The following DMD variants were observed in gnomAD, a reference collection of about 807,000 sequenced individuals.
The protein encoded by DMD is dystrophin.
Under a neutral mutation model 330.1 loss-of-function variants are expected in DMD, and 63 were observed. That is an observed-to-expected ratio of 0.19 (90% CI 0.16 to 0.24). The LOEUF is 0.24. Ranked by LOEUF, DMD falls within the 10% of genes least tolerant of loss-of-function variation. DMD has a pLI of 1.00. For missense variants in DMD, 3,344 were observed against 2,684.1 expected (o/e 1.25, Z -5.43); for synonymous variants, 1,223 against 959.8 (o/e 1.27, Z -5.07).
chrX:32,788,996 A>G (rs2075622879), intron 7 of DMD, among the ~76,000 whole-genome samples: 1 of 111,835 alleles, frequency 8.9e-6, no homozygotes, highest in South Asian at 3.8e-4. Flanking sequence ...AATAAATTAA[A>G]GAACAAAGAG....
intron 1 of DMD, among the ~76,000 whole-genome samples, chrX:33,222,746 C>T (rs1356754812): frequency 1.8e-5 from 2 of 111,730 alleles, no homozygotes; most frequent in Non-Finnish European, 3.8e-5. Flanking sequence ...TACATTAGCA[C>T]CTCCCACAAA....
chrX:32,053,333 C>T (rs62589975), intron 44 of DMD, among the ~76,000 whole-genome samples: 4,566 of 106,011 alleles, frequency 0.043, 133 homozygotes, highest in East Asian at 0.12. Context: ...GAAGTTATCT[C>T]GTAAAGTATG....
rs1406268725 is a variant in DMD, at chrX:33,009,596, GTA to G, written c.93+10541_93+10542del. Among the ~76,000 whole-genome samples, 2 of 32,330 alleles carry G rather than the reference GTA, an allele frequency of 6.2e-5. 1 individual carries two copies. The highest frequency in any genetic ancestry group is 3.2e-3 in the South Asian group (2 of 624). The allele number at this position is 32,330 out of a possible 115,157, so 28.1% of individuals were successfully genotyped here. A position where few individuals can be genotyped will look rare whatever the true frequency, so the allele number is the denominator to read the frequency against. On this transcript the variant is annotated intron_variant, in intron 2 of 78. Transcript: ENST00000357033. The stretch of plus-strand genomic sequence containing the variant: ...TATATACACATATGTGTGTATGTGT[GTA>G]TGTGTATATACACATATGTGTGTAT...
At chrX:31,426,221 A>C (rs1191890167) in intron 60 of DMD, among the ~76,000 whole-genome samples, 1 of 112,088 alleles carries the variant, frequency 8.9e-6, no homozygotes, top group Non-Finnish European at 1.9e-5. Context: ...ATATATTCCC[A>C]AGTCTATTGC....
At chrX:33,082,737 G>A (rs1293508739) in intron 1 of DMD, among the ~76,000 whole-genome samples, 1 of 111,858 alleles carries the variant, frequency 8.9e-6, no homozygotes, top group African/African-American at 3.3e-5. Flanking sequence ...TCCCCACATG[G>A]TCACAAGGTT....
At chrX:32,546,292 C>A (rs2048959190) in intron 16 of DMD, among the ~76,000 whole-genome samples, 1 of 108,373 alleles carries the variant, frequency 9.2e-6, no homozygotes, top group Admixed American at 1.0e-4. Context: ...GGCAATCCAA[C>A]TTATATGCAA....
chrX:32,081,522 G>A (rs1206584680), intron 44 of DMD, among the ~76,000 whole-genome samples: 1 of 111,997 alleles, frequency 8.9e-6, no homozygotes, highest in Non-Finnish European at 1.9e-5. Flanking sequence ...TATTGGTCCA[G>A]TGGGCATTCC....
chrX:31,860,382 C>T (rs760320975), intron 48 of DMD, among the ~76,000 whole-genome samples: 14 of 111,449 alleles, frequency 1.3e-4, no homozygotes, highest in Non-Finnish European at 2.6e-4. Context: ...GAAATTGGAA[C>T]CTTTTAATTT....
intron 55 of DMD, among the ~76,000 whole-genome samples, chrX:31,554,898 C>T (rs1382292676): frequency 2.7e-5 from 3 of 111,526 alleles, no homozygotes; most frequent in South Asian, 3.8e-4. Context: ...GCAGGAGATC[C>T]GGTTTGGGAT....
At chrX:32,493,201 G>T (rs1416220733) in intron 19 of DMD, among the ~76,000 whole-genome samples, 1 of 111,445 alleles carries the variant, frequency 9.0e-6, no homozygotes, top group Non-Finnish European at 1.9e-5. Context: ...TGCCCTGATA[G>T]TCTAATGTTC....
At chrX:32,683,699 T>C (rs1425316959) in intron 9 of DMD, among the ~76,000 whole-genome samples, 3 of 103,220 alleles carry the variant, frequency 2.9e-5, no homozygotes, top group South Asian at 4.9e-4. Context: ...TGTTAAATGA[T>C]GAGTTAATGG....
chrX:32,772,845 C>T (rs1358180520), intron 7 of DMD, among the ~76,000 whole-genome samples: 3 of 105,107 alleles, frequency 2.9e-5, no homozygotes, highest in East Asian at 2.8e-4. Flanking sequence ...AACATAAAAT[C>T]GTTTGGGGAA....
intron 1 of DMD, among the ~76,000 whole-genome samples, chrX:33,177,444 G>T (rs751322955): frequency 7.2e-5 from 8 of 111,832 alleles, no homozygotes; most frequent in African/African-American, 2.3e-4. Flanking sequence ...GAGTGCAGTG[G>T]TGCAATCTCG....
chrX:32,030,971 C>A (rs1301333185), intron 44 of DMD, among the ~76,000 whole-genome samples: 2 of 111,788 alleles, frequency 1.8e-5, no homozygotes, highest in Non-Finnish European at 3.8e-5. Flanking sequence ...ATACTGCTTT[C>A]TTTAGTATCA....
intron 1 of DMD, among the ~76,000 whole-genome samples, chrX:33,191,167 T>C (rs1442855547): frequency 9.8e-6 from 1 of 102,450 alleles, no homozygotes; most frequent in Non-Finnish European, 2.0e-5. Flanking sequence ...ATTTTGTCTT[T>C]TTCATTCCTA....
At chrX:32,686,383 C>A (rs1460303897) in intron 9 of DMD, among the ~76,000 whole-genome samples, 1 of 109,079 alleles carries the variant, frequency 9.2e-6, no homozygotes, top group African/African-American at 3.3e-5. Flanking sequence ...AATGGGGAAA[C>A]CTCGTCTCTA....
chrX:33,136,352 T>G (rs747130204), intron 1 of DMD, among the ~76,000 whole-genome samples: 82 of 98,955 alleles, frequency 8.3e-4, no homozygotes, highest in African/African-American at 2.9e-3. Flanking sequence ...TACTGAACAT[T>G]ACATTGGTAA....
In DMD at chrX:33,098,708, T is replaced by C. The variant is rs1045430157; in HGVS notation, c.32-78508A>G. Among the ~76,000 whole-genome samples, 39 of 111,673 alleles carry C rather than the reference T, an allele frequency of 3.5e-4. 1 individual carries two copies. The highest frequency in any genetic ancestry group is 1.3e-3 in the African/African-American group (39 of 30,684). Reference sequence around the variant, plus strand: ...TCTCTCAGCAAGGTCATTTTTACTTTTTGCAGAAAGGGTACACTCGCCAGC... The same window carrying C: ...TCTCTCAGCAAGGTCATTTTTACTTCTTGCAGAAAGGGTACACTCGCCAGC... On this transcript the variant is annotated intron_variant, in intron 1 of 78. Transcript: ENST00000357033.
chrX:31,909,126 TC>T (rs1291231486), intron 47 of DMD, among the ~76,000 whole-genome samples: 1 of 112,505 alleles, frequency 8.9e-6, no homozygotes, highest in Non-Finnish European at 1.9e-5. Context: ...TGGTTGGTTA[TC>T]TTTTCCTAAT....
Sources: gnomAD v4.1 joint callset for allele counts (sites outside exome capture counted in the v4.1 genomes callset) on GRCh38, gnomAD v4.1.1 for gene constraint, MANE v1.5 for transcripts, NCBI Gene and HGNC (gene_info 2026-07-23, HGNC 2026-07-21) for gene names.